The following PLCB1 variants were observed in gnomAD, a reference collection of about 807,000 sequenced individuals.
The protein encoded by PLCB1 is phospholipase C beta 1.
In PLCB1, 46 loss-of-function variants were observed where a neutral mutation model predicts 161.8. That is an observed-to-expected ratio of 0.28 (90% confidence interval 0.22 to 0.36). The LOEUF (loss-of-function observed/expected upper bound fraction) is 0.36, where lower values mean the gene tolerates loss of function less well. PLCB1 is among the 10% of genes least tolerant of loss of function. PLCB1 has a pLI of 1.00. For synonymous variants in PLCB1, 517 were observed against 503.7 expected (o/e 1.03, Z -0.35); for missense variants, 1,016 against 1,472.5 (o/e 0.69, Z 5.07).
At chr20:8,517,115 C>T (rs977567637) in intron 3 of PLCB1, among the ~76,000 whole-genome samples, 2 of 152,004 alleles carry the variant, frequency 1.3e-5, no homozygotes, top group Non-Finnish European at 1.5e-5. Context: ...TGACATTGGG[C>T]TGCATTCGGG....
rs140629169 is a variant in PLCB1 at position 8,237,073 on chromosome 20, A to T, written c.177+86702A>T. ...AGCCTTTGGCATATTTATCACAAGC[A>T]TGAAAGTCCTCAAGCCCTTTAATTC... is the stretch of plus-strand genomic sequence containing the variant. On this transcript the variant is annotated intron_variant, in intron 2 of 31. Coordinates refer to ENST00000338037, the MANE Select transcript of PLCB1 (RefSeq NM_015192.4). Among the ~76,000 whole-genome samples, 1,410 of 152,186 alleles carry T rather than the reference A, an allele frequency of 9.3e-3. 13 individuals are homozygous for T. The highest frequency in any genetic ancestry group is 0.015 in the Non-Finnish European group (1,030 of 67,982).
intron 23 of PLCB1, among the ~76,000 whole-genome samples, chr20:8,744,557 A>G (rs1023911849): frequency 3.8e-4 from 58 of 151,360 alleles, no homozygotes; most frequent in Admixed American, 2.8e-3. Flanking sequence ...GCAATTAACT[A>G]TGAATGCACT....
At chr20:8,228,040 A>G (rs776492538) in intron 2 of PLCB1, among the ~76,000 whole-genome samples, 1 of 152,118 alleles carries the variant, frequency 6.6e-6, no homozygotes, top group Non-Finnish European at 1.5e-5. Flanking sequence ...GTGAAAAATA[A>G]AAGTCGAATT....
rs191443767 is a variant in PLCB1, at chr20:8,593,478, G to A, written c.247-34816G>A. On this transcript the variant is annotated intron_variant, in intron 3 of 31. Transcript: ENST00000338037. Reference sequence around the variant, plus strand: ...CAAAGTGCTGGGATTACAAGTGTGAGCCACCACACCCAGCCCCATGTAGGC... The same window carrying A: ...CAAAGTGCTGGGATTACAAGTGTGAACCACCACACCCAGCCCCATGTAGGC... Among the ~76,000 whole-genome samples the A allele has an allele frequency of 1.6e-4, 25 of 152,138 alleles. No homozygotes were observed. The East Asian group carries it at 2.5e-3, about 15-fold the overall frequency.
intron 3 of PLCB1, among the ~76,000 whole-genome samples, chr20:8,543,072 G>A (rs867503142): frequency 1.3e-5 from 2 of 152,120 alleles, no homozygotes; most frequent in African/African-American, 4.8e-5. Flanking sequence ...AAATACCTCC[G>A]TATTAGCAGT....
chr20:8,743,522 A>G (rs1340422283), intron 23 of PLCB1, among the ~76,000 whole-genome samples: 4 of 152,194 alleles, frequency 2.6e-5, no homozygotes, highest in African/African-American at 9.6e-5. Flanking sequence ...GCCTGAGGCC[A>G]CATTTCGACT....
At chr20:8,744,418 G>A (rs1479650247) in intron 23 of PLCB1, among the ~76,000 whole-genome samples, 3 of 152,012 alleles carry the variant, frequency 2.0e-5, no homozygotes, top group East Asian at 3.9e-4. Context: ...TGACTCACAT[G>A]TTCTTGTGAG....
At chr20:8,810,619 G>A (rs1231931972) in intron 31 of PLCB1, among the ~76,000 whole-genome samples, 1 of 152,130 alleles carries the variant, frequency 6.6e-6, no homozygotes, top group Non-Finnish European at 1.5e-5. Context: ...CATATCTAAA[G>A]AATGGAAAAG....
chr20:8,707,069 C>CT (rs1335066975), intron 11 of PLCB1, among the ~76,000 whole-genome samples: 1 of 152,016 alleles, frequency 6.6e-6, no homozygotes, highest in Non-Finnish European at 1.5e-5. Context: ...ATAGTGCTTG[C>CT]TTTTTTTGAC....
chr20:8,178,392 A>G (rs2051804884), intron 2 of PLCB1, among the ~76,000 whole-genome samples: 1 of 152,066 alleles, frequency 6.6e-6, no homozygotes, highest in Non-Finnish European at 1.5e-5. Context: ...TTCTCTCATG[A>G]TTAGTGACAT....
chr20:8,747,418 AT>A (rs1981226865), intron 23 of PLCB1, among the ~76,000 whole-genome samples: 1 of 152,230 alleles, frequency 6.6e-6, no homozygotes, highest in Non-Finnish European at 1.5e-5. Flanking sequence ...CAAGGCCAAA[AT>A]TGTTCACAAG....
chr20:8,500,904 G>T (rs1983377524), intron 3 of PLCB1, among the ~76,000 whole-genome samples: 1 of 152,172 alleles, frequency 6.6e-6, no homozygotes, highest in Middle Eastern at 3.2e-3. Context: ...GGAGGCTTAA[G>T]TGAAATCATA....
intron 3 of PLCB1, among the ~76,000 whole-genome samples, chr20:8,441,515 A>T (rs996368082): frequency 2.0e-5 from 3 of 152,244 alleles, no homozygotes; most frequent in Non-Finnish European, 4.4e-5. Flanking sequence ...TCCAATTTAT[A>T]TCAATAAGAA....
At position 8,576,968 on chromosome 20, in the gene PLCB1, T is replaced by G. The variant is rs186639980; in HGVS notation, c.247-51326T>G. Among the ~76,000 whole-genome samples the G allele has an allele frequency of 2.1e-3, 325 of 151,992 alleles. 3 individuals carry two copies. Among genetic ancestry groups the G allele is most frequent in the Middle Eastern group, 0.017 (5 of 294 alleles). On this transcript the variant is annotated intron_variant, in intron 3 of 31. Transcript: ENST00000338037. ...ATGGAAGGAGGTACAGAGGTAATAT[T>G]AGAGAGCTGACCTTAATCCTGTAGA...
chr20:8,449,068 C>A (rs1248100388), intron 3 of PLCB1, among the ~76,000 whole-genome samples: 2 of 152,164 alleles, frequency 1.3e-5, no homozygotes, highest in African/African-American at 4.8e-5. Context: ...CAAATTCAAA[C>A]TAACAGAAAT....
rs1319194767 is a variant in PLCB1, at chr20:8,707,230, C to T, written c.1168-1440C>T. Among the ~76,000 whole-genome samples the T allele has an allele frequency of 4.6e-5, 7 of 152,196 alleles. No homozygotes were observed. In the East Asian group the frequency reaches 1.4e-3, roughly 29 times the overall value. ...CAAATGTAGTACAGAATTAGAAAGC[C>T]TTACTTATACTCTGGGGCCAGGGAA... On this transcript the variant is annotated intron_variant, in intron 11 of 31. Transcript: ENST00000338037.
At chr20:8,393,374 A>G (rs61568943) in intron 3 of PLCB1, among the ~76,000 whole-genome samples, 2,278 of 152,256 alleles carry the variant, frequency 0.015, 40 homozygotes, top group African/African-American at 0.044. Flanking sequence ...ATACTAATAG[A>G]TGCTATAAAA....
At chr20:8,462,431 G>A (rs1258876499) in intron 3 of PLCB1, among the ~76,000 whole-genome samples, 1 of 152,268 alleles carries the variant, frequency 6.6e-6, no homozygotes, top group African/African-American at 2.4e-5. Context: ...ACAAATCAAG[G>A]CATTTCTGAA....
rs376589737 is a variant in PLCB1, at chr20:8,789,478, G to A, written c.3279-40G>A. On this transcript the variant is annotated intron_variant, in intron 29 of 31. Coordinates refer to ENST00000338037, the MANE Select transcript of PLCB1 (RefSeq NM_015192.4). ...CTGAGATTACCATTTGTCAATTCTG[G>A]ATGAATTGGTATAATGATGTATTCA... The A allele has an allele frequency of 1.1e-5, 14 of 1,296,586 alleles. No individual in the cohort carries two copies. The East Asian group carries it at 2.1e-4, about 19-fold the overall frequency. 80.3% of individuals were successfully genotyped at this position (1,296,586 alleles called of 1,614,324 possible). A position where few individuals can be genotyped will look rare whatever the true frequency, so the allele number is the denominator to read the frequency against.
Sources: allele counts gnomAD v4.1 joint callset (sites outside exome capture counted in the v4.1 genomes callset), GRCh38; gene constraint gnomAD v4.1.1; transcripts MANE v1.5; gene names NCBI Gene and HGNC (gene_info 2026-07-23, HGNC 2026-07-21).